The following MYO9A variants were observed in gnomAD, a reference collection of about 807,000 sequenced individuals.
MYO9A encodes the protein myosin IXA.
In MYO9A, 103 loss-of-function variants were observed where a neutral mutation model predicts 293.3. The observed-to-expected ratio is 0.35, with a 90% CI of 0.30 to 0.41. The LOEUF is 0.41. Among genes scored for constraint, MYO9A ranks in the 10% least tolerant of loss-of-function variants. The pLI is 1.00. For missense variants in MYO9A, 2,685 were observed against 3,033.0 expected, an observed-to-expected ratio of 0.89 and a Z score of 2.69; for synonymous variants, 1,001 against 1,035.7, an observed-to-expected ratio of 0.97 and a Z score of 0.64.
intron 1 of MYO9A, among the ~76,000 whole-genome samples, chr15:72,051,862 T>G (rs557607940): frequency 6.6e-6 from 1 of 152,246 alleles, no homozygotes; most frequent in South Asian, 2.1e-4. Context: ...GGCAGGCTCC[T>G]GGGCAAAAGG....
intron 1 of MYO9A, among the ~76,000 whole-genome samples, chr15:72,086,377 T>C (rs138714945): frequency 1.3e-5 from 2 of 149,722 alleles, no homozygotes; most frequent in Admixed American, 6.6e-5. Flanking sequence ...GAGGGTTCAT[T>C]GTTCTCTGTG....
chr15:72,096,663 C>T (rs1238793357), intron 1 of MYO9A, among the ~76,000 whole-genome samples: 5 of 152,172 alleles, frequency 3.3e-5, no homozygotes, highest in East Asian at 1.9e-4. Flanking sequence ...TTTCATGAGG[C>T]TTTAGCTGCC....
At chr15:72,034,653 T>C (rs1451256576) in intron 2 of MYO9A, among the ~76,000 whole-genome samples, 1 of 152,182 alleles carries the variant, frequency 6.6e-6, no homozygotes, top group Non-Finnish European at 1.5e-5. Flanking sequence ...AAAAACCACA[T>C]AGCACAGATT....
intron 26 of MYO9A, chr15:71,889,796 A>C (rs1386753536): frequency 6.6e-6 from 1 of 152,212 alleles, no homozygotes; most frequent in Non-Finnish European, 1.5e-5. Flanking sequence ...AAAAAGTACC[A>C]ATCCCAGGTG....
intron 7 of MYO9A, among the ~76,000 whole-genome samples, chr15:72,008,957 TTA>T: frequency 6.6e-6 from 1 of 152,340 alleles, no homozygotes; most frequent in Admixed American, 6.5e-5. Context: ...ACCTGAGATA[TTA>T]CCTTAGGAAC....
intron 1 of MYO9A, among the ~76,000 whole-genome samples, chr15:72,106,172 G>C (rs952068126): frequency 1.3e-5 from 2 of 152,198 alleles, no homozygotes; most frequent in Admixed American, 1.3e-4. Context: ...GGATGAAAAA[G>C]ATGGGGATGA....
intron 13 of MYO9A, among the ~76,000 whole-genome samples, chr15:71,966,078 C>T (rs1040953703): frequency 6.6e-6 from 1 of 151,892 alleles, no homozygotes; most frequent in Admixed American, 6.6e-5. Flanking sequence ...GGTTTCACCA[C>T]GTTGACCAGG....
intron 13 of MYO9A, among the ~76,000 whole-genome samples, chr15:71,961,086 T>C (rs1596287280): frequency 1.3e-5 from 2 of 152,286 alleles, no homozygotes; most frequent in East Asian, 1.9e-4. Context: ...TATACATTGG[T>C]TGCTGCATAG....
rs1159962686 is a variant in MYO9A at position 72,117,657 on chromosome 15, CTGGGCGCT to C, written c.-72+15_-72+22del. On this transcript the variant is annotated intron_variant, in intron 1 of 41. Coordinates refer to ENST00000356056, the MANE Select transcript of MYO9A (RefSeq NM_006901.4). ...TGGGCCAGGACGGGCTGCAGGGCCG[CTGGGCGCT>C]TGGGCGGGTCTTACCTCGGGCTCCG... is the stretch of plus-strand genomic sequence containing the variant. 1.0e-5 allele frequency: 4 copies of C among 396,016 alleles called. No individual in the cohort carries two copies. Among genetic ancestry groups the C allele is most frequent in the Non-Finnish European group, 4.4e-6 (1 of 224,894 alleles). 24.5% of individuals were successfully genotyped at this position (396,016 alleles called of 1,614,324 possible).
At chr15:72,029,264 G>GT (rs2077786281) in intron 3 of MYO9A, among the ~76,000 whole-genome samples, 1 of 152,152 alleles carries the variant, frequency 6.6e-6, no homozygotes, top group Admixed American at 6.5e-5. Flanking sequence ...AATTAGTTAC[G>GT]TATCACTTAA....
chr15:71,945,833 T>G (rs1567303236), intron 15 of MYO9A, among the ~76,000 whole-genome samples: 2 of 152,206 alleles, frequency 1.3e-5, no homozygotes, highest in Non-Finnish European at 2.9e-5. Flanking sequence ...GTATTCAATC[T>G]TTCACTAATA....
chr15:72,055,536 G>C (rs902144774), intron 1 of MYO9A, among the ~76,000 whole-genome samples: 2 of 152,096 alleles, frequency 1.3e-5, no homozygotes, highest in African/African-American at 2.4e-5. Context: ...ACAACCCACA[G>C]AGTGTAAGAA....
chr15:72,109,668 C>T (rs1235914645), intron 1 of MYO9A, among the ~76,000 whole-genome samples: 3 of 151,882 alleles, frequency 2.0e-5, no homozygotes, highest in Admixed American at 1.3e-4. Context: ...GCAGGCGGAT[C>T]GCTTGAGGTC....
In MYO9A at chr15:71,991,111, A is replaced by T. The variant is rs1344622077; in HGVS notation, c.1714T>A (p.Leu572Met). 6.2e-7 allele frequency: 1 copy of T among 1,600,204 alleles called. No homozygotes were observed. The highest frequency in any genetic ancestry group is 1.1e-5 in the South Asian group (1 of 87,810). Residue 572 changes from leucine (L) to methionine (M), a missense_variant, in exon 11 of 42, where the codon TTG becomes ATG. By Grantham distance (15) the Leu-to-Met change is conservative. Coordinates refer to ENST00000356056, the MANE Select transcript of MYO9A (RefSeq NM_006901.4). ...QHYFNQHIFK[L>M]EQEEYRTEGI... ...CATATTTAGGTACTCACTTGTTCCA[A>T]TTTAAAGATATGCTGATTAAAGTAG...
At chr15:72,032,796 T>C (rs148659122) in intron 2 of MYO9A, among the ~76,000 whole-genome samples, 2,087 of 152,186 alleles carry the variant, frequency 0.014, 32 homozygotes, top group African/African-American at 0.024. Context: ...GAAGATCAAG[T>C]AGATTTTATT....
intron 13 of MYO9A, among the ~76,000 whole-genome samples, chr15:71,967,252 T>C (rs1316433864): frequency 6.6e-6 from 1 of 152,222 alleles, no homozygotes; most frequent in African/African-American, 2.4e-5. Flanking sequence ...AATATGTATA[T>C]ATGCACATAT....
intron 8 of MYO9A, 54 bp downstream of exon 8, chr15:72,007,765 CAAAATAA>C (rs2077057764): frequency 1.3e-6 from 2 of 1,541,362 alleles, no homozygotes; most frequent in Non-Finnish European, 1.8e-6. Flanking sequence ...ACAAAATACA[CAAAATAA>C]AAAATAAAAA....
At chr15:71,919,338 G>A (rs967576989) in intron 18 of MYO9A, among the ~76,000 whole-genome samples, 4 of 152,044 alleles carry the variant, frequency 2.6e-5, no homozygotes, top group African/African-American at 9.7e-5. Flanking sequence ...CTATTCGGGA[G>A]GTGGAGATAA....
intron 1 of MYO9A, among the ~76,000 whole-genome samples, chr15:72,112,128 T>C (rs111885985): frequency 1.9e-3 from 290 of 152,222 alleles, no homozygotes; most frequent in African/African-American, 6.8e-3. Context: ...AATACAGTTA[T>C]ATATTCAAAG....
Sources: gnomAD v4.1 joint callset for allele counts (sites outside exome capture counted in the v4.1 genomes callset) on GRCh38, gnomAD v4.1.1 for gene constraint, MANE v1.5 for transcripts, NCBI Gene and HGNC (gene_info 2026-07-23, HGNC 2026-07-21) for gene names.